DNAH12: variants seen among roughly 807,000 people sequenced by gnomAD.
DNAH12 encodes axonemal beta dynein heavy chain 12.
A neutral mutation model predicts 371.5 loss-of-function variants in DNAH12; 285 were observed. The ratio of observed to expected loss-of-function variants is 0.77; its 90% CI spans 0.70 to 0.85. The LOEUF is 0.85. Ranked by LOEUF, DNAH12 falls within the 40% of genes least tolerant of loss-of-function variation. DNAH12 has a pLI of 0.00. For synonymous variants in DNAH12, 1,200 were observed against 1,213.0 expected (o/e 0.99, Z 0.22); for missense variants, 3,611 against 3,689.4 (o/e 0.98, Z 0.55).
Position 57,471,604 on chromosome 3 carries a change from T to G in DNAH12, c.1779A>C (p.Leu593=). Residue 593 remains leucine, a splice_region_variant and synonymous_variant, in exon 15 of 74, where the codon CTA becomes CTC. Coordinates refer to ENST00000495027, the MANE Select transcript of DNAH12 (RefSeq NM_001366028.2). ...INPIFDENDE[L]IENAKHKKEN... ...CTTTTTTATGTTTAGCATTCTCAAT[T>G]AGCTTTTTAAAAGACAATTTGATCA... 6.5e-7 allele frequency: 1 copy of G among 1,532,132 alleles called. No individual in the cohort carries two copies. Among genetic ancestry groups the G allele is most frequent in the Non-Finnish European group, 8.8e-7 (1 of 1,141,286 alleles). 94.9% of individuals were successfully genotyped at this position (1,532,132 alleles called of 1,614,324 possible). A position where few individuals can be genotyped will look rare whatever the true frequency, so the allele number is the denominator to read the frequency against.
At chr3:57,429,465 C>T (rs1032084747) in intron 33 of DNAH12, among the ~76,000 whole-genome samples, 3 of 152,132 alleles carry the variant, frequency 2.0e-5, no homozygotes, top group East Asian at 1.9e-4. Context: ...CGTGAGCCAC[C>T]GTGCCCAGCC....
chr3:57,296,855 C>G lies in DNAH12; in HGVS notation c.11524G>C (p.Glu3842Gln). 1.9e-6 allele frequency: 3 copies of G among 1,551,456 alleles called. No homozygotes were observed. The highest frequency in any genetic ancestry group is 1.2e-5 in the South Asian group (1 of 84,008). ...TTAAGGAGTTACTATACCTCAAATT[C>G]ATATCCTAGCAAATCAATAGGGGTG... ...YTTPIDLLGYEFEVIPSDTSD... is the reference protein window; with the variant it reads ...YTTPIDLLGYQFEVIPSDTSD... Residue 3842 changes from glutamate (E) to glutamine (Q), a missense_variant, in exon 71 of 74, where the codon GAA becomes CAA. Glu to Gln is a conservative substitution (Grantham distance 29). Transcript: ENST00000495027.
intron 2 of DNAH12, among the ~76,000 whole-genome samples, chr3:57,534,665 T>C (rs1032383969): frequency 2.0e-5 from 3 of 151,990 alleles, no homozygotes; most frequent in Non-Finnish European, 4.4e-5. Context: ...TATGCCACCA[T>C]GCCCGGCTAA....
chr3:57,328,934 C>A (rs2062018866), intron 62 of DNAH12, among the ~76,000 whole-genome samples: 1 of 133,192 alleles, frequency 7.5e-6, no homozygotes, highest in South Asian at 2.6e-4. Flanking sequence ...AACAGAGAGC[C>A]AAATCATGAG....
Position 57,425,155 on chromosome 3 carries a change from A to G in DNAH12, c.5254-14T>C. On this transcript the variant is annotated splice_polypyrimidine_tract_variant and intron_variant, in intron 34 of 73. Transcript: ENST00000495027. ...AGGAATCAGTTCCTGCAAGGTGAAA[A>G]TAAGATAACTTTCTTAATTTTCATC... The G allele has an allele frequency of 2.9e-6, 2 of 682,902 alleles. No homozygotes were observed. The highest frequency in any genetic ancestry group is 5.3e-6 in the Non-Finnish European group (2 of 379,726). 42.3% of individuals were successfully genotyped at this position (682,902 alleles called of 1,614,324 possible).
chr3:57,323,578 C>G lies in DNAH12; in HGVS notation c.10020G>C (p.Gly3340=), dbSNP rs1344037370. ...AITNYVTDKL[G]KKFVEPPPFD... ...ATGGTGGAGGCTCTACAAACTTTTT[C>G]CCTAGTTTGTCAGTTACATAGTTTG... The change falls in exon 63 of 74, where the codon GGG becomes GGC. Residue 3340 remains glycine (G), a synonymous_variant. Transcript: ENST00000495027. 1 of 1,550,144 alleles carries G rather than the reference C, an allele frequency of 6.5e-7. No individual in the cohort carries two copies. Among genetic ancestry groups the G allele is most frequent in the African/African-American group, 1.4e-5 (1 of 73,074 alleles).
At chr3:57,493,972 C>T (rs778361666) in intron 11 of DNAH12, among the ~76,000 whole-genome samples, 1 of 152,160 alleles carries the variant, frequency 6.6e-6, no homozygotes, top group Non-Finnish European at 1.5e-5. Flanking sequence ...GTGGTTCGTG[C>T]TTGTAATGCC....
intron 43 of DNAH12, among the ~76,000 whole-genome samples, chr3:57,398,409 G>A (rs900790133): frequency 0.01 from 1,561 of 152,268 alleles, 17 homozygotes; most frequent in African/African-American, 0.03. Flanking sequence ...CAAATCTCAG[G>A]AAAGAAGTGG....
rs1008594857 is a variant in DNAH12 at position 57,335,975 on chromosome 3, C to T, written c.9675-1035G>A. Among the ~76,000 whole-genome samples, 3 of 152,158 alleles carry T rather than the reference C, an allele frequency of 2.0e-5. No homozygotes were observed. The South Asian group carries it at 6.2e-4, about 32-fold the overall frequency. On this transcript the variant is annotated intron_variant, in intron 60 of 73. Coordinates refer to ENST00000495027, the MANE Select transcript of DNAH12 (RefSeq NM_001366028.2). ...TAAAACTACTGTAAGAAAGCTTAAACACAAGTCGTCTTCTTTTTTTTAAGA... is the reference window on the plus strand; with the variant it reads ...TAAAACTACTGTAAGAAAGCTTAAATACAAGTCGTCTTCTTTTTTTTAAGA...
intron 59 of DNAH12, among the ~76,000 whole-genome samples, chr3:57,356,553 C>T (rs1195942262): frequency 4.0e-5 from 6 of 151,564 alleles, no homozygotes; most frequent in East Asian, 1.9e-4. Context: ...GAGAAAGATG[C>T]GCTAGAGTTG....
intron 2 of DNAH12, among the ~76,000 whole-genome samples, chr3:57,526,002 A>T (rs915106942): frequency 2.6e-5 from 4 of 151,954 alleles, no homozygotes; most frequent in African/African-American, 9.7e-5. Flanking sequence ...ACCTCAAGTG[A>T]TCCACCTGCC....
At position 57,542,851 on chromosome 3, in the gene DNAH12, G is replaced by A; in HGVS notation, c.20C>T (p.Ala7Val). 3 of 1,593,660 alleles carry A rather than the reference G, an allele frequency of 1.9e-6. No individual in the cohort carries two copies. The highest frequency in any genetic ancestry group is 2.6e-6 in the Non-Finnish European group (3 of 1,173,548). Residue 7 changes from alanine (A) to valine (V), a missense_variant, in exon 2 of 74, where the codon GCT (alanine) becomes GTT (valine). Coordinates refer to ENST00000495027, the MANE Select transcript of DNAH12 (RefSeq NM_001366028.2). ...AGCTTCCTTTTCTGCTGCAATGGCA[G>A]CTTTGTTTGCATCTGACATCTTGAT... MSDANK[A>V]AIAAEKEALN...
At chr3:57,348,382 CAG>C (rs1210520451) in intron 60 of DNAH12, among the ~76,000 whole-genome samples, 2 of 152,078 alleles carry the variant, frequency 1.3e-5, no homozygotes, top group African/African-American at 4.8e-5. Flanking sequence ...AAATAGAACA[CAG>C]AGGATTTTTA....
Position 57,458,018 on chromosome 3 carries a change from G to T in DNAH12, c.3054-15C>A. The T allele has an allele frequency of 6.5e-7, 1 of 1,542,016 alleles. No homozygotes were observed. The highest frequency in any genetic ancestry group is 8.8e-7 in the Non-Finnish European group (1 of 1,142,656). On this transcript the variant is annotated splice_polypyrimidine_tract_variant and intron_variant, in intron 21 of 73. Coordinates refer to ENST00000495027, the MANE Select transcript of DNAH12 (RefSeq NM_001366028.2). Reference sequence around the variant, plus strand: ...AGAAGAAAAAACTAGGGAAAAACATGCAAATACAAAAGTTTTAGTTATAAT... The same window carrying T: ...AGAAGAAAAAACTAGGGAAAAACATTCAAATACAAAAGTTTTAGTTATAAT...
At chr3:57,496,009 AGGG>A (rs1167296885) in intron 11 of DNAH12, among the ~76,000 whole-genome samples, 1 of 147,598 alleles carries the variant, frequency 6.8e-6, no homozygotes, top group Non-Finnish European at 1.5e-5. Context: ...ATATAAGATC[AGGG>A]ACTTAAAAGG....
chr3:57,430,441 GGATTT>G (rs770205525), intron 32 of DNAH12, among the ~76,000 whole-genome samples: 4 of 151,724 alleles, frequency 2.6e-5, no homozygotes, highest in African/African-American at 4.9e-5. Context: ...TCTTTTCAAT[GGATTT>G]ATTTAAAGCA....
rs1225176970 is a variant in DNAH12 at position 57,470,606 on chromosome 3, G to C, written c.1942C>G (p.Arg648Gly). 2 of 1,540,246 alleles carry C rather than the reference G, an allele frequency of 1.3e-6. No individual in the cohort carries two copies. The highest frequency in any genetic ancestry group is 2.5e-5 in the South Asian group (2 of 80,470). The change falls in exon 16 of 74, where the codon CGT (arginine) becomes GGT (glycine). Residue 648 changes from arginine to glycine, a missense_variant. Physicochemically the swap from Arg to Gly is moderately radical, Grantham distance 125. Coordinates refer to ENST00000495027, the MANE Select transcript of DNAH12 (RefSeq NM_001366028.2). ...YVTDVRQLQK[R>G]IQESEEAVQF... ...ACTGCTTCTTCAGATTCCTGAATAC[G>C]TTTTTGTAGTTGTCTTACATCTGTC...
rs11395278 is a variant in DNAH12, at chr3:57,516,053, CTTTTTTTTTT to C, written c.280-5084_280-5075del. ...CCACTCCATTAATGTACTGCTTAGT[CTTTTTTTTTT>C]TTTTTTTTTTTTTTTCTTCAGATGG... On this transcript the variant is annotated intron_variant, in intron 4 of 73. Coordinates refer to ENST00000495027, the MANE Select transcript of DNAH12 (RefSeq NM_001366028.2). Among the ~76,000 whole-genome samples, 5 of 71,964 alleles carry C rather than the reference CTTTTTTTTTT, an allele frequency of 6.9e-5. 1 individual carries two copies. Among genetic ancestry groups the C allele is most frequent in the South Asian group, 1.5e-3 (2 of 1,348 alleles). The allele number at this position is 71,964 out of a possible 152,430, so 47.2% of individuals were successfully genotyped here. A position where few individuals can be genotyped will look rare whatever the true frequency, so the allele number is the denominator to read the frequency against.
At chr3:57,540,199 C>T (rs919246628) in intron 2 of DNAH12, among the ~76,000 whole-genome samples, 12 of 151,846 alleles carry the variant, frequency 7.9e-5, no homozygotes, top group African/African-American at 2.2e-4. Context: ...TACAGATGCC[C>T]GCCAAGACGC....
Sources: allele counts gnomAD v4.1 joint callset (sites outside exome capture counted in the v4.1 genomes callset), GRCh38; gene constraint gnomAD v4.1.1; transcripts MANE v1.5; gene names NCBI Gene and HGNC (gene_info 2026-07-23, HGNC 2026-07-21).